The following MYZAP variants were observed in gnomAD, a reference collection of about 807,000 sequenced individuals.
The protein encoded by MYZAP is myocardial zonula adherens protein.
MYZAP carries 66 observed loss-of-function variants against 69.4 expected under a neutral mutation model. The observed-to-expected ratio is 0.95, with a 90% confidence interval of 0.78 to 1.17. The LOEUF is 1.17. MYZAP is among the 50% of genes most tolerant of loss of function. The probability of loss-of-function intolerance (pLI) is 0.00; values close to 1 mark genes in which losing one functional copy is unlikely to be tolerated. For missense variants in MYZAP, 611 were observed against 556.2 expected, an observed-to-expected ratio of 1.10 and a Z score of -0.99; for synonymous variants, 256 against 205.9, an observed-to-expected ratio of 1.24 and a Z score of -2.09.
chr15:57,673,430 C>G (rs1379282265), intron 11 of MYZAP, among the ~76,000 whole-genome samples: 2 of 151,826 alleles, frequency 1.3e-5, no homozygotes, highest in African/African-American at 4.8e-5. Flanking sequence ...TTCTCTCTCT[C>G]TCTCTGTCTG....
At chr15:57,657,593 A>G (rs1438058161) in intron 10 of MYZAP, among the ~76,000 whole-genome samples, 1 of 152,138 alleles carries the variant, frequency 6.6e-6, no homozygotes, top group Non-Finnish European at 1.5e-5. Context: ...ATATTTCATA[A>G]TTTATTACCC....
chr15:57,673,913 A>C (rs1346017116), intron 11 of MYZAP, among the ~76,000 whole-genome samples: 1 of 152,232 alleles, frequency 6.6e-6, no homozygotes, highest in East Asian at 1.9e-4. Flanking sequence ...AGTTATGCAA[A>C]TAAACTGCTC....
chr15:57,650,217 A>T (rs1167150990), intron 10 of MYZAP, among the ~76,000 whole-genome samples: 1 of 152,098 alleles, frequency 6.6e-6, no homozygotes, highest in South Asian at 2.1e-4. Context: ...ATTGTCTTTG[A>T]ACAATCCTGT....
At position 57,599,794 on chromosome 15, in the gene MYZAP, G is replaced by A. The variant is rs2034300654; in HGVS notation, c.76-4475G>A. The A allele has an allele frequency of 2.5e-5, 25 of 996,116 alleles. No individual in the cohort carries two copies. In the South Asian group the frequency reaches 2.7e-4, roughly 11 times the overall value. 61.7% of individuals were successfully genotyped at this position (996,116 alleles called of 1,614,324 possible). On this transcript the variant is annotated intron_variant, in intron 1 of 12. Transcript: ENST00000267853. Reference sequence around the variant, plus strand: ...GAATGGAGGGAGGTAGACTGTACTCGGACAACTTTATGGGTGGTTCAGGGG... The same window carrying A: ...GAATGGAGGGAGGTAGACTGTACTCAGACAACTTTATGGGTGGTTCAGGGG...
chr15:57,652,734 A>G (rs2037791535), intron 10 of MYZAP, among the ~76,000 whole-genome samples: 1 of 152,184 alleles, frequency 6.6e-6, no homozygotes, highest in Admixed American at 6.5e-5. Flanking sequence ...CTGAAGCCCA[A>G]GTGAGCTCTA....
At chr15:57,663,767 G>A (rs939700976) in intron 11 of MYZAP, among the ~76,000 whole-genome samples, 6 of 152,174 alleles carry the variant, frequency 3.9e-5, no homozygotes, top group Admixed American at 6.5e-5. Context: ...ATGTAGCGGG[G>A]TGGGTGGCAG....
intron 10 of MYZAP, among the ~76,000 whole-genome samples, chr15:57,660,895 T>A (rs2038262295): frequency 6.6e-6 from 1 of 152,216 alleles, no homozygotes; most frequent in Non-Finnish European, 1.5e-5. Context: ...CCAGGCCACA[T>A]GAGTCTTCAG....
intron 1 of MYZAP, among the ~76,000 whole-genome samples, chr15:57,601,193 C>G (rs1278521140): frequency 2.0e-5 from 3 of 152,152 alleles, no homozygotes; most frequent in Admixed American, 2.0e-4. Flanking sequence ...AAGTAACTTT[C>G]CCGTAGACAC....
At chr15:57,663,286 C>G (rs1214225215) in intron 11 of MYZAP, among the ~76,000 whole-genome samples, 4 of 151,390 alleles carry the variant, frequency 2.6e-5, no homozygotes, top group Non-Finnish European at 4.4e-5. Context: ...GAATATTGCA[C>G]ATGGGGAGTA....
At chr15:57,607,462 T>A (rs545521295) in intron 2 of MYZAP, among the ~76,000 whole-genome samples, 130 of 151,530 alleles carry the variant, frequency 8.6e-4, no homozygotes, top group African/African-American at 2.8e-3. Flanking sequence ...CCCTCTTTTT[T>A]AAAAAAAAAT....
rs1259366198 is a variant in MYZAP at position 57,684,642 on chromosome 15, A to C, written c.*144A>C. 1.6e-6 allele frequency: 1 copy of C among 629,380 alleles called. No individual in the cohort carries two copies. The highest frequency in any genetic ancestry group is 1.8e-5 in the African/African-American group (1 of 54,950). The allele number at this position is 629,380 out of a possible 1,614,324, so 39.0% of individuals were successfully genotyped here. A position where few individuals can be genotyped will look rare whatever the true frequency, so the allele number is the denominator to read the frequency against. ...TCGCTGAGGCTCTGATCCACTTCTA[A>C]GACAGGAAGGAAAGTGAAGGCAGAG... On this transcript the variant is annotated 3_prime_UTR_variant, in exon 13 of 13. Transcript: ENST00000267853.
chr15:57,674,563 A>G (rs1447795198), intron 11 of MYZAP, among the ~76,000 whole-genome samples: 10 of 152,258 alleles, frequency 6.6e-5, no homozygotes, highest in African/African-American at 2.4e-4. Flanking sequence ...AAATATCTAA[A>G]TGCCCATCAA....
chr15:57,657,915 C>A (rs2038085116), intron 10 of MYZAP, among the ~76,000 whole-genome samples: 1 of 152,166 alleles, frequency 6.6e-6, no homozygotes, highest in South Asian at 2.1e-4. Context: ...ACGCTCATTT[C>A]TTCAGTCAAT....
At chr15:57,669,915 G>T (rs781352898) in intron 11 of MYZAP, among the ~76,000 whole-genome samples, 1 of 151,964 alleles carries the variant, frequency 6.6e-6, no homozygotes, top group Non-Finnish European at 1.5e-5. Flanking sequence ...TTAGAGGCAG[G>T]TTATTTAATT....
chr15:57,600,975 G>A (rs1166114037), intron 1 of MYZAP, among the ~76,000 whole-genome samples: 2 of 152,274 alleles, frequency 1.3e-5, no homozygotes, highest in East Asian at 1.9e-4. Flanking sequence ...CTATTTAGGG[G>A]CCTGAGGTCG....
At chr15:57,678,038 T>A (rs2140649736) in intron 12 of MYZAP, among the ~76,000 whole-genome samples, 1 of 46,914 alleles carries the variant, frequency 2.1e-5, no homozygotes, top group Non-Finnish European at 4.0e-5. Context: ...ACCTTATCTC[T>A]ACCAAAAAAA....
intron 6 of MYZAP, among the ~76,000 whole-genome samples, chr15:57,630,966 G>A (rs150179726): frequency 1.5e-3 from 232 of 152,222 alleles, no homozygotes; most frequent in African/African-American, 5.5e-3. Flanking sequence ...AGGGGCTGCC[G>A]GTCCACCGCC....
rs1172540917 is a variant in MYZAP, at chr15:57,604,264, T to C, written c.76-5T>C. 1.2e-6 allele frequency: 2 copies of C among 1,613,962 alleles called. No homozygotes were observed. Among genetic ancestry groups the C allele is most frequent in the African/African-American group, 2.7e-5 (2 of 74,914 alleles). ...TAACTGGCCTCTCCTTTCCCTCTCT[T>C]CTAGGCAAATGTTTGCAGACTACGG... On this transcript the variant is annotated splice_polypyrimidine_tract_variant and splice_region_variant and intron_variant, in intron 1 of 12. Transcript: ENST00000267853.
intron 11 of MYZAP, among the ~76,000 whole-genome samples, chr15:57,666,138 T>C (rs894226530): frequency 3.3e-5 from 5 of 152,254 alleles, no homozygotes; most frequent in Non-Finnish European, 5.9e-5. Flanking sequence ...ACTCACATTC[T>C]GCCATTATCT....
Sources: gnomAD v4.1 joint callset for allele counts (sites outside exome capture counted in the v4.1 genomes callset) on GRCh38, gnomAD v4.1.1 for gene constraint, MANE v1.5 for transcripts, NCBI Gene and HGNC (gene_info 2026-07-23, HGNC 2026-07-21) for gene names.